Variants in TM2D1 observed in about 807,000 individuals in gnomAD.
TM2D1 encodes the protein TM2 domain-containing protein 1.
Under a neutral mutation model 28.4 loss-of-function variants are expected in TM2D1, and 15 were observed. The ratio of observed to expected loss-of-function variants is 0.53; its 90% CI spans 0.35 to 0.81. TM2D1 has a LOEUF of 0.81. Among genes scored for constraint, TM2D1 ranks in the 40% least tolerant of loss-of-function variants. TM2D1 has a pLI of 0.01. For missense variants in TM2D1, 236 were observed against 254.9 expected, an observed-to-expected ratio of 0.93 and a Z score of 0.50; for synonymous variants, 93 against 96.2, an observed-to-expected ratio of 0.97 and a Z score of 0.20.
intron 2 of TM2D1, among the ~76,000 whole-genome samples, chr1:61,716,027 G>A (rs1047933489): frequency 1.3e-5 from 2 of 151,196 alleles, no homozygotes; most frequent in Non-Finnish European, 2.9e-5. Flanking sequence ...GGATGGTCTC[G>A]ATCTCCTGAC....
chr1:61,691,932 A>AAAAAAAAAAATATATATATATAT, intron 5 of TM2D1, among the ~76,000 whole-genome samples: 1 of 76,400 alleles, frequency 1.3e-5, no homozygotes, highest in African/African-American at 4.7e-5. Flanking sequence ...AAAAAAAAAA[A>AAAAAAAAAAATATATATATATAT]ATATATATAT....
chr1:61,684,162 T>A (rs775405348), intron 5 of TM2D1, among the ~76,000 whole-genome samples: 2 of 152,186 alleles, frequency 1.3e-5, no homozygotes, highest in Non-Finnish European at 2.9e-5. Context: ...TCTTGTCCAC[T>A]TAATCACATA....
At chr1:61,711,613 G>A (rs1370638917) in intron 2 of TM2D1, among the ~76,000 whole-genome samples, 1 of 148,778 alleles carries the variant, frequency 6.7e-6, no homozygotes, top group Non-Finnish European at 1.5e-5. Flanking sequence ...GGGCAACAGA[G>A]TGAGACCGTC....
intron 2 of TM2D1, among the ~76,000 whole-genome samples, chr1:61,711,611 G>C (rs1390383746): frequency 1.3e-5 from 2 of 148,920 alleles, no homozygotes; most frequent in African/African-American, 5.1e-5. Flanking sequence ...CTGGGCAACA[G>C]AGTGAGACCG....
chr1:61,719,092 CAG>C (rs1197339057), intron 2 of TM2D1, among the ~76,000 whole-genome samples: 1 of 151,900 alleles, frequency 6.6e-6, no homozygotes, highest in African/African-American at 2.4e-5. Context: ...TTTTTGGAGA[CAG>C]GGTCTTGCTC....
At chr1:61,689,049 A>T (rs1056166616) in intron 5 of TM2D1, among the ~76,000 whole-genome samples, 4 of 152,170 alleles carry the variant, frequency 2.6e-5, no homozygotes, top group Admixed American at 1.3e-4. Flanking sequence ...AAATAAAAAT[A>T]AAAAAATGTC....
At chr1:61,706,654 C>T (rs1644443208) in intron 3 of TM2D1, among the ~76,000 whole-genome samples, 1 of 151,660 alleles carries the variant, frequency 6.6e-6, no homozygotes, top group Non-Finnish European at 1.5e-5. Context: ...ACTAAGAATA[C>T]AAAATTAGCC....
At chr1:61,704,634 G>C (rs571276745) in intron 3 of TM2D1, among the ~76,000 whole-genome samples, 1 of 152,192 alleles carries the variant, frequency 6.6e-6, no homozygotes, top group South Asian at 2.1e-4. Context: ...GTTTCACCTT[G>C]TTGGCCAGGC....
intron 2 of TM2D1, among the ~76,000 whole-genome samples, chr1:61,710,509 C>CAT (rs998139793): frequency 3.6e-5 from 5 of 138,612 alleles, no homozygotes; most frequent in African/African-American, 1.5e-4. Context: ...CACATACACA[C>CAT]ACACACACAC....
In TM2D1 at chr1:61,725,110, G is replaced by A. The variant is rs756558911; in HGVS notation, c.11C>T (p.Ala4Val). MAA[A>V]WPSGPSAPEA... ...CGGAGCAGACGGACCAGACGGCCAG[G>A]CGGCCGCCATCTTGGAGACCGACAC... Residue 4 changes from alanine to valine, a missense_variant, in exon 1 of 7, where the codon GCC becomes GTC. Ala to Val is a moderately conservative substitution (Grantham distance 64, BLOSUM62 0). Around this residue, in one of 3 missense-constraint regions of TM2D1, gnomAD observed 167 missense variants for 162.7 expected, o/e 1.03. Transcript: ENST00000606498. 3.7e-6 allele frequency: 6 copies of A among 1,613,474 alleles called. No homozygotes were observed. The highest frequency in any genetic ancestry group is 1.3e-5 in the African/African-American group (1 of 74,950).
At chr1:61,701,556 CGT>C (rs60257971) in intron 3 of TM2D1, among the ~76,000 whole-genome samples, 87,847 of 145,748 alleles carry the variant, frequency 0.6, 29,074 homozygotes, top group South Asian at 0.82. Context: ...AATTCTCTTT[CGT>C]GTGTGTGTGT....
chr1:61,710,529 CATAT>C (rs1026017322), intron 2 of TM2D1, among the ~76,000 whole-genome samples: 14 of 132,638 alleles, frequency 1.1e-4, no homozygotes, highest in African/African-American at 3.8e-4. Flanking sequence ...CACACACACA[CATAT>C]ACGACTACCC....
rs1374188327 is a variant in TM2D1 at position 61,725,094 on chromosome 1, C to T, written c.27G>A (p.Pro9=). 3.1e-6 allele frequency: 5 copies of T among 1,613,610 alleles called. No homozygotes were observed. In the African/African-American group the frequency reaches 5.3e-5, roughly 17 times the overall value. The change falls in exon 1 of 7, where the codon CCG becomes CCA. Residue 9 remains proline (P), a synonymous_variant. Transcript: ENST00000606498. MAAAWPSG[P]SAPEAVTARL... The stretch of plus-strand genomic sequence containing the variant: ...TGGCCGTCACGGCCTCCGGAGCAGA[C>T]GGACCAGACGGCCAGGCGGCCGCCA...
chr1:61,713,874 C>T (rs1288728353), intron 2 of TM2D1, among the ~76,000 whole-genome samples: 1 of 149,500 alleles, frequency 6.7e-6, no homozygotes, highest in African/African-American at 2.4e-5. Flanking sequence ...CTTTTAAAAA[C>T]CAAATATTTC....
At chr1:61,722,658 T>G (rs1376055881) in intron 2 of TM2D1, among the ~76,000 whole-genome samples, 1 of 152,192 alleles carries the variant, frequency 6.6e-6, no homozygotes, top group Non-Finnish European at 1.5e-5. Flanking sequence ...TGAGCCACCA[T>G]GCCTGGCCAT....
At chr1:61,713,777 T>A (rs77087760) in intron 2 of TM2D1, among the ~76,000 whole-genome samples, 1 of 152,272 alleles carries the variant, frequency 6.6e-6, no homozygotes, top group East Asian at 1.9e-4. Context: ...AAGACACTTA[T>A]TATGATACCA....
chr1:61,704,421 T>TTTTTG (rs561495866), intron 3 of TM2D1, among the ~76,000 whole-genome samples: 17 of 151,794 alleles, frequency 1.1e-4, no homozygotes, highest in South Asian at 4.1e-4. Flanking sequence ...TTTTTTTGGT[T>TTTTTG]TTTTGTTTTG....
intron 2 of TM2D1, among the ~76,000 whole-genome samples, chr1:61,720,564 A>G (rs1644556341): frequency 6.6e-6 from 1 of 152,022 alleles, no homozygotes; most frequent in Non-Finnish European, 1.5e-5. Context: ...TCTTGAGGGC[A>G]GGGATTATGT....
intron 2 of TM2D1, among the ~76,000 whole-genome samples, chr1:61,719,409 C>CAGAGAG (rs59016152): frequency 0.036 from 5,326 of 149,282 alleles, 299 homozygotes; most frequent in African/African-American, 0.12. Flanking sequence ...AGTATATACA[C>CAGAGAG]AGAGAGAGAG....
Sources: gnomAD v4.1 joint callset for allele counts (sites outside exome capture counted in the v4.1 genomes callset) on GRCh38, gnomAD v4.1.1 for gene constraint, gnomAD v4.1.1 regional missense constraint, MANE v1.5 for transcripts, NCBI Gene and HGNC (gene_info 2026-07-23, HGNC 2026-07-21) for gene names.